Variants in WFDC9 observed in about 807,000 individuals in gnomAD.
WFDC9 encodes the protein WAP four-disulfide core domain 9, also known as protein WFDC9.
WFDC9 carries 9 observed loss-of-function variants against 9.5 expected under a neutral mutation model. The ratio of observed to expected loss-of-function variants is 0.95; its 90% CI spans 0.57 to 1.65. The LOEUF (loss-of-function observed/expected upper bound fraction) is 1.65. Ranked by LOEUF, WFDC9 falls within the 40% of genes most tolerant of loss-of-function variation. The pLI is 0.00. For missense variants in WFDC9, 87 were observed against 106.7 expected, an observed-to-expected ratio of 0.82 and a Z score of 0.81; for synonymous variants, 33 against 32.3, an observed-to-expected ratio of 1.02 and a Z score of -0.07.
At chr20:45,611,312 C>T (rs979965892) in intron 2 of WFDC9, among the ~76,000 whole-genome samples, 2 of 152,102 alleles carry the variant, frequency 1.3e-5, no homozygotes, top group African/African-American at 4.8e-5. Context: ...GAGAGAGATT[C>T]ACCACATCCT....
intron 1 of WFDC9, among the ~76,000 whole-genome samples, chr20:45,617,830 C>T (rs1375689928): frequency 6.6e-6 from 1 of 152,214 alleles, no homozygotes; most frequent in African/African-American, 2.4e-5. Flanking sequence ...ATAACATAAA[C>T]ATTTGATTAA....
At chr20:45,615,600 T>C (rs990662945) in intron 1 of WFDC9, among the ~76,000 whole-genome samples, 3 of 152,200 alleles carry the variant, frequency 2.0e-5, no homozygotes, top group Non-Finnish European at 2.9e-5. Flanking sequence ...AAGTATGTTT[T>C]CCTGAAGTCT....
chr20:45,608,374 G>C (rs1478441118), intron 4 of WFDC9, among the ~76,000 whole-genome samples: 1 of 152,138 alleles, frequency 6.6e-6, no homozygotes, highest in Non-Finnish European at 1.5e-5. Context: ...CAACTAAGGG[G>C]TTAGTAATTG....
intron 1 of WFDC9, among the ~76,000 whole-genome samples, chr20:45,615,414 A>T (rs538404463): frequency 6.6e-6 from 1 of 152,330 alleles, no homozygotes; most frequent in Admixed American, 6.5e-5. Flanking sequence ...ACCTTCTCTC[A>T]AAGCCTGTCT....
chr20:45,626,993 T>TA (rs1982233485), intron 1 of WFDC9, among the ~76,000 whole-genome samples: 1 of 152,258 alleles, frequency 6.6e-6, no homozygotes, highest in African/African-American at 2.4e-5. Context: ...GTGCTTTCCT[T>TA]TCATACATAA....
In WFDC9 at chr20:45,608,122, C is replaced by G. The variant is rs1419887511; in HGVS notation, c.258G>C (p.Met86Ile). The G allele has an allele frequency of 6.2e-7, 1 of 1,613,104 alleles. No individual in the cohort carries two copies. Among genetic ancestry groups the G allele is most frequent in the East Asian group, 2.2e-5 (1 of 44,882 alleles). Reference sequence around the variant, plus strand: ...CGGCCAATAGAATCTAGGGGTTTAGCATTGATTTAAGGGGCTCTCTAGAAG... The same window carrying G: ...CGGCCAATAGAATCTAGGGGTTTAGGATTGATTTAAGGGGCTCTCTAGAAG... ...CLDNEEPLKS[M>I]LNP The change falls in exon 5 of 5, where the codon ATG (methionine) becomes ATC (isoleucine). Residue 86 changes from methionine (M) to isoleucine (I), a missense_variant. Met to Ile is a conservative substitution (Grantham distance 10). Transcript: ENST00000326000.
At chr20:45,629,869 C>T (rs1220092847) in intron 1 of WFDC9, 2 of 1,613,928 alleles carry the variant, frequency 1.2e-6, no homozygotes, top group East Asian at 2.2e-5. Flanking sequence ...CTGCTGCAGG[C>T]CCAGGGAGGA....
intron 1 of WFDC9, among the ~76,000 whole-genome samples, chr20:45,628,932 G>A (rs1982285865): frequency 6.6e-6 from 1 of 152,130 alleles, no homozygotes; most frequent in African/African-American, 2.4e-5. Flanking sequence ...CTTCACTTCT[G>A]AGAGTTCATT....
rs754231078 is a variant in WFDC9, at chr20:45,608,697, A to T, written c.205T>A (p.Trp69Arg). Residue 69 changes from tryptophan to arginine, a missense_variant, in exon 4 of 5, where the codon TGG (tryptophan) becomes AGG (arginine). By Grantham distance (101) the Trp-to-Arg change is moderately radical. Transcript: ENST00000326000. Reference sequence around the variant, plus strand: ...AAGCAGATGTTTCCACAGTAGGTCCAGCAGCATGTATGATTTGGACGTACA... The same window carrying T: ...AAGCAGATGTTTCCACAGTAGGTCCTGCAGCATGTATGATTTGGACGTACA... ...TCVRPNHTCC[W>R]TYCGNICLDN... 2.0e-5 allele frequency: 32 copies of T among 1,614,004 alleles called. No homozygotes were observed. The East Asian group carries it at 4.2e-4, about 21-fold the overall frequency.
At position 45,623,049 on chromosome 20, in the gene WFDC9, T is replaced by C. The variant is rs560971875; in HGVS notation, c.-153+8154A>G. ...GGCTCAGGAGTGAGGGGGAAACTAA[T>C]GGATGGGACCAGCTGATAATCTAGC... On this transcript the variant is annotated intron_variant, in intron 1 of 4. Transcript: ENST00000326000. Among the ~76,000 whole-genome samples the C allele has an allele frequency of 6.6e-4, 101 of 152,284 alleles. No individual in the cohort carries two copies. In the South Asian group the frequency reaches 0.013, roughly 19 times the overall value.
In WFDC9 at chr20:45,608,098, G is replaced by A. The variant is rs765122203; in HGVS notation, c.*12C>T. ...CATCCTTCAGCCCACAGTAGTGATC[G>A]GCCAATAGAATCTAGGGGTTTAGCA... is the stretch of plus-strand genomic sequence containing the variant. On this transcript the variant is annotated 3_prime_UTR_variant, in exon 5 of 5. Coordinates refer to ENST00000326000, the MANE Select transcript of WFDC9 (RefSeq NM_147198.4). 70 of 1,613,284 alleles carry A rather than the reference G, an allele frequency of 4.3e-5. No homozygotes were observed. The highest frequency in any genetic ancestry group is 3.3e-4 in the Middle Eastern group (2 of 6,082).
intron 2 of WFDC9, among the ~76,000 whole-genome samples, chr20:45,612,859 C>G (rs796777500): frequency 1.3e-5 from 2 of 152,266 alleles, no homozygotes; most frequent in African/African-American, 4.8e-5. Context: ...CTCCCATCTA[C>G]CCCCCTCATT....
chr20:45,620,114 T>C (rs1230876923), intron 1 of WFDC9, among the ~76,000 whole-genome samples: 1 of 152,094 alleles, frequency 6.6e-6, no homozygotes, highest in Non-Finnish European at 1.5e-5. Flanking sequence ...TTTAAATACT[T>C]TGTAAGTATT....
At chr20:45,628,123 A>C (rs781754008) in intron 1 of WFDC9, among the ~76,000 whole-genome samples, 2 of 152,238 alleles carry the variant, frequency 1.3e-5, no homozygotes, top group African/African-American at 2.4e-5. Flanking sequence ...TGAGCCTGCC[A>C]CAATGTTGAC....
rs560776000 is a variant in WFDC9 at position 45,622,495 on chromosome 20, A to T, written c.-152-7774T>A. Among the ~76,000 whole-genome samples the T allele has an allele frequency of 2.6e-5, 4 of 152,308 alleles. No homozygotes were observed. In the South Asian group the frequency reaches 8.3e-4, roughly 32 times the overall value. ...AACTACTATTTGGATGTTTACACTT[A>T]TACCTCTCGCTTCCACATACCTTAA... On this transcript the variant is annotated intron_variant, in intron 1 of 4. Transcript: ENST00000326000.
At chr20:45,621,778 G>T (rs565530276) in intron 1 of WFDC9, among the ~76,000 whole-genome samples, 2 of 152,272 alleles carry the variant, frequency 1.3e-5, no homozygotes, top group African/African-American at 4.8e-5. Context: ...TGGCTCCACT[G>T]GTCATTGGGA....
intron 1 of WFDC9, among the ~76,000 whole-genome samples, chr20:45,614,978 A>G (rs994522399): frequency 1.3e-5 from 2 of 152,158 alleles, no homozygotes; most frequent in Non-Finnish European, 2.9e-5. Context: ...ATGTTCCCAA[A>G]GTCTCTCAAA....
At chr20:45,616,978 T>C (rs1600919511) in intron 1 of WFDC9, among the ~76,000 whole-genome samples, 1 of 152,350 alleles carries the variant, frequency 6.6e-6, no homozygotes, top group Middle Eastern at 3.4e-3. Flanking sequence ...AGTCAGTCTG[T>C]CTTTTGAAGT....
intron 1 of WFDC9, among the ~76,000 whole-genome samples, chr20:45,621,669 C>T (rs974190000): frequency 1.3e-5 from 2 of 152,178 alleles, no homozygotes; most frequent in African/African-American, 2.4e-5. Flanking sequence ...CCAATAGAAA[C>T]CTTGGACACT....
Sources: allele counts gnomAD v4.1 joint callset (sites outside exome capture counted in the v4.1 genomes callset), GRCh38; gene constraint gnomAD v4.1.1; transcripts MANE v1.5; gene names NCBI Gene and HGNC (gene_info 2026-07-23, HGNC 2026-07-21).